DRAM1: variants seen among roughly 807,000 people sequenced by gnomAD.
DRAM1 encodes DNA damage-regulated autophagy modulator protein 1.
Under a neutral mutation model 28.5 loss-of-function variants are expected in DRAM1, and 25 were observed. The ratio of observed to expected loss-of-function variants is 0.88; its 90% CI spans 0.64 to 1.23. The LOEUF (loss-of-function observed/expected upper bound fraction) is 1.23, where lower values mean the gene tolerates loss of function less well. Ranked by LOEUF, DRAM1 falls within the 50% of genes most tolerant of loss-of-function variation. The probability of loss-of-function intolerance (pLI) is 0.00; values close to 1 mark genes in which losing one functional copy is unlikely to be tolerated. For synonymous variants in DRAM1, 113 were observed against 114.2 expected, an observed-to-expected ratio of 0.99 and a Z score of 0.07; for missense variants, 249 against 299.2, an observed-to-expected ratio of 0.83 and a Z score of 1.24.
At chr12:101,920,293 C>CTTTT in intron 6 of DRAM1, 92 bp downstream of exon 6, 3 of 262,186 alleles carry the variant, frequency 1.1e-5, no homozygotes, top group Non-Finnish European at 1.1e-5. Flanking sequence ...AAAAAGAGCA[C>CTTTT]TTTCTTTTTT....
At chr12:101,888,117 C>G (rs750823626) in intron 1 of DRAM1, among the ~76,000 whole-genome samples, 2 of 152,006 alleles carry the variant, frequency 1.3e-5, no homozygotes, top group African/African-American at 2.4e-5. Context: ...AAACCTTTAG[C>G]TAGAAAAGTA....
chr12:101,887,976 G>A (rs548816931), intron 1 of DRAM1, among the ~76,000 whole-genome samples: 1 of 152,300 alleles, frequency 6.6e-6, no homozygotes, highest in Non-Finnish European at 1.5e-5. Flanking sequence ...GTTAATGAGG[G>A]CTGTGTGCAT....
chr12:101,889,742 C>G (rs1436577348), intron 1 of DRAM1, among the ~76,000 whole-genome samples: 1 of 152,014 alleles, frequency 6.6e-6, no homozygotes, highest in Non-Finnish European at 1.5e-5. Flanking sequence ...GAGTTTGAGA[C>G]CAGCCTGGCC....
intron 2 of DRAM1, among the ~76,000 whole-genome samples, chr12:101,900,576 C>T (rs989263713): frequency 1.3e-5 from 2 of 152,166 alleles, no homozygotes; most frequent in South Asian, 2.1e-4. Context: ...AGTAGATATA[C>T]TGAAAGTTGC....
chr12:101,887,717 T>C (rs914981107), intron 1 of DRAM1, among the ~76,000 whole-genome samples: 2 of 152,044 alleles, frequency 1.3e-5, no homozygotes, highest in South Asian at 2.1e-4. Flanking sequence ...TTTGTTTTTT[T>C]AGTAGAGACG....
chr12:101,909,308 A>G (rs6539019), intron 4 of DRAM1, among the ~76,000 whole-genome samples: 88,203 of 151,108 alleles, frequency 0.58, 27,711 homozygotes, highest in African/African-American at 0.82. Context: ...ACATTGTCTA[A>G]TTAGATCAAA....
At chr12:101,898,249 C>T (rs1002299485) in intron 2 of DRAM1, among the ~76,000 whole-genome samples, 3 of 152,022 alleles carry the variant, frequency 2.0e-5, no homozygotes, top group Admixed American at 6.6e-5. Flanking sequence ...CTTGAGCTCC[C>T]GGGCTTCAGT....
At position 101,910,504 on chromosome 12, in the gene DRAM1, G is replaced by T. The variant is rs1270559087; in HGVS notation, c.520+2141G>T. On this transcript the variant is annotated intron_variant, in intron 4 of 6. Transcript: ENST00000258534. ...GTTTTTTTTTTTTTTTTGAGACAGA[G>T]TCTCACTCTGTCACCCAGGCTGGAG... is the stretch of plus-strand genomic sequence containing the variant. 2.5e-4 allele frequency among the ~76,000 whole-genome samples: 37 copies of T among 148,216 alleles called. 2 individuals are homozygous for T. The highest frequency in any genetic ancestry group is 1.5e-5 in the Non-Finnish European group (1 of 67,456).
chr12:101,895,764 G>A (rs1248772839), intron 1 of DRAM1, among the ~76,000 whole-genome samples: 5 of 151,252 alleles, frequency 3.3e-5, no homozygotes, highest in Non-Finnish European at 7.4e-5. Flanking sequence ...TAGAGACAGG[G>A]TTTCACCATG....
intron 5 of DRAM1, 52 bp from the exon 6 acceptor site, chr12:101,920,057 C>A: frequency 1.5e-6 from 2 of 1,315,120 alleles, no homozygotes; most frequent in Non-Finnish European, 2.1e-6. Context: ...TCAGTATGTA[C>A]ATTAAAGTGA....
intron 1 of DRAM1, among the ~76,000 whole-genome samples, chr12:101,884,163 G>A (rs559478877): frequency 9.7e-4 from 147 of 152,086 alleles, no homozygotes; most frequent in Non-Finnish European, 1.8e-3. Flanking sequence ...GAAGTGGGCT[G>A]ATCACTTGAG....
In DRAM1 at chr12:101,882,452, AAG is replaced by A. The variant is rs1872724710; in HGVS notation, c.131+4535_131+4536del. On this transcript the variant is annotated intron_variant, in intron 1 of 6. Coordinates refer to ENST00000258534, the MANE Select transcript of DRAM1 (RefSeq NM_018370.3). ...TTTAGCACAGTTGAACACTTTAAAT[AAG>A]AGCCACAACCATAAGGAGGACCTCT... Among the ~76,000 whole-genome samples the A allele has an allele frequency of 5.3e-5, 8 of 151,330 alleles. 1 individual carries two copies. The South Asian group carries it at 1.5e-3, about 29-fold the overall frequency.
intron 1 of DRAM1, among the ~76,000 whole-genome samples, chr12:101,879,252 C>T (rs78497608): frequency 0.037 from 5,584 of 152,152 alleles, 303 homozygotes; most frequent in East Asian, 0.23. Context: ...CTTGCCTTGG[C>T]CTCCCAAAAT....
intron 1 of DRAM1, among the ~76,000 whole-genome samples, chr12:101,882,284 AT>A (rs1233946218): frequency 1.0e-4 from 15 of 149,444 alleles, no homozygotes; most frequent in African/African-American, 3.7e-4. Flanking sequence ...AATTTTTTGT[AT>A]TTTTTTAGTA....
intron 1 of DRAM1, among the ~76,000 whole-genome samples, chr12:101,885,094 C>A (rs183938709): frequency 1.3e-5 from 2 of 152,052 alleles, no homozygotes; most frequent in Non-Finnish European, 2.9e-5. Flanking sequence ...CCACCACGCC[C>A]GGCTAATTTT....
chr12:101,906,946 A>G (rs1873838619), intron 3 of DRAM1, among the ~76,000 whole-genome samples: 1 of 151,866 alleles, frequency 6.6e-6, no homozygotes, highest in Non-Finnish European at 1.5e-5. Context: ...GGTCTGCACC[A>G]ACTTTCTGCC....
chr12:101,900,115 C>T (rs1326057651), intron 2 of DRAM1, among the ~76,000 whole-genome samples: 1 of 152,176 alleles, frequency 6.6e-6, no homozygotes, highest in Admixed American at 6.6e-5. Flanking sequence ...GACAAGAGCC[C>T]TGCTCTCATG....
rs894795339 is a variant in DRAM1, at chr12:101,899,869, A to G, written c.200-1422A>G. Reference sequence around the variant, plus strand: ...TATTTAATCAGTTCCCTATTGTCCAACATTTAGGCTATTTCTGGTATTTTG... The same window carrying G: ...TATTTAATCAGTTCCCTATTGTCCAGCATTTAGGCTATTTCTGGTATTTTG... On this transcript the variant is annotated intron_variant, in intron 2 of 6. Coordinates refer to ENST00000258534, the MANE Select transcript of DRAM1 (RefSeq NM_018370.3). Among the ~76,000 whole-genome samples the G allele has an allele frequency of 5.3e-5, 8 of 152,308 alleles. No individual in the cohort carries two copies. In the South Asian group the frequency reaches 6.2e-4, roughly 12 times the overall value.
chr12:101,889,494 TAAGGAAGGAAAGG>T (rs903630300), intron 1 of DRAM1, among the ~76,000 whole-genome samples: 8 of 149,502 alleles, frequency 5.4e-5, no homozygotes, highest in Admixed American at 1.3e-4. Flanking sequence ...AGGAAGGAAG[TAAGGAAGGAAAGG>T]AAGGAAGGAA....
Sources: gnomAD v4.1 joint callset for allele counts (sites outside exome capture counted in the v4.1 genomes callset) on GRCh38, gnomAD v4.1.1 for gene constraint, MANE v1.5 for transcripts, NCBI Gene and HGNC (gene_info 2026-07-23, HGNC 2026-07-21) for gene names.